Variants in RARB observed in about 807,000 individuals in gnomAD.
RARB encodes HBV-activated protein.
In RARB, 17 loss-of-function variants were observed where a neutral mutation model predicts 51.9. The ratio of observed to expected loss-of-function variants is 0.33; its 90% CI spans 0.22 to 0.49. The LOEUF (loss-of-function observed/expected upper bound fraction) is 0.49. RARB is among the 20% of genes least tolerant of loss of function. The pLI, the probability that RARB is intolerant of heterozygous loss-of-function variation, is 0.99. For synonymous variants in RARB, 215 were observed against 195.4 expected (o/e 1.10, Z -0.84); for missense variants, 369 against 550.8 (o/e 0.67, Z 3.30).
chr3:25,402,153 C>T (rs1053041260), intron 5 of RARB, among the ~76,000 whole-genome samples: 13 of 151,996 alleles, frequency 8.6e-5, no homozygotes, highest in East Asian at 7.7e-4. Flanking sequence ...AGAAAAAAGC[C>T]ACAAATTTTC....
chr3:25,399,143 A>G (rs1223548481), intron 5 of RARB, among the ~76,000 whole-genome samples: 7 of 152,156 alleles, frequency 4.6e-5, no homozygotes. Flanking sequence ...CAGGTTTCTT[A>G]TTCTAGCTCC....
chr3:25,408,132 A>G (rs1707462922), intron 5 of RARB, among the ~76,000 whole-genome samples: 1 of 152,130 alleles, frequency 6.6e-6, no homozygotes, highest in Non-Finnish European at 1.5e-5. Flanking sequence ...TAAAAATATA[A>G]CATATGTCAT....
At chr3:25,512,234 T>G (rs1429476367) in intron 3 of RARB, among the ~76,000 whole-genome samples, 1 of 152,220 alleles carries the variant, frequency 6.6e-6, no homozygotes, top group Non-Finnish European at 1.5e-5. Context: ...GTGTATTCAT[T>G]CATCAGCGGT....
chr3:25,484,499 C>T (rs1023718824), intron 2 of RARB, among the ~76,000 whole-genome samples: 1 of 151,926 alleles, frequency 6.6e-6, no homozygotes, highest in African/African-American at 2.4e-5. Context: ...CAAATTATGG[C>T]CCATAGGCTA....
intron 2 of RARB, among the ~76,000 whole-genome samples, chr3:24,893,215 C>T (rs913245970): frequency 3.3e-5 from 5 of 152,146 alleles, no homozygotes; most frequent in Non-Finnish European, 7.4e-5. Context: ...ATTGTGTTAC[C>T]AATTCAATGT....
At chr3:24,895,910 A>G (rs1703469157) in intron 2 of RARB, among the ~76,000 whole-genome samples, 1 of 152,054 alleles carries the variant, frequency 6.6e-6, no homozygotes, top group Non-Finnish European at 1.5e-5. Flanking sequence ...ATATTTGTAC[A>G]CTCTTGTTTA....
At chr3:25,160,055 C>T (rs1365211325) in intron 4 of RARB, among the ~76,000 whole-genome samples, 1 of 152,140 alleles carries the variant, frequency 6.6e-6, no homozygotes, top group African/African-American at 2.4e-5. Flanking sequence ...ATTTTTGTTT[C>T]AGCTTCTCTC....
chr3:25,141,009 A>C (rs534227777), intron 4 of RARB, among the ~76,000 whole-genome samples: 1 of 152,230 alleles, frequency 6.6e-6, no homozygotes. Context: ...CCTAAATCTC[A>C]TATGCCCTGG....
chr3:25,146,503 G>GTTTTTTTTTTTTTTTTT (rs1364462708), intron 4 of RARB, among the ~76,000 whole-genome samples: 5 of 73,520 alleles, frequency 6.8e-5, no homozygotes, highest in Non-Finnish European at 6.5e-5. Flanking sequence ...TTTTTTGTTT[G>GTTTTTTTTTTTTTTTTT]TTTGTTTGTT....
intron 4 of RARB, among the ~76,000 whole-genome samples, chr3:25,137,765 T>C (rs914348527): frequency 5.3e-5 from 8 of 152,096 alleles, no homozygotes; most frequent in African/African-American, 1.7e-4. Flanking sequence ...TGAGGTCCCA[T>C]TGGCATTCTA....
At chr3:25,121,965 C>T (rs530274403) in intron 3 of RARB, among the ~76,000 whole-genome samples, 2 of 152,220 alleles carry the variant, frequency 1.3e-5, no homozygotes, top group African/African-American at 4.8e-5. Flanking sequence ...AGAAAAGCAG[C>T]GCTGTATTAG....
chr3:25,155,521 T>C (rs13319953), intron 4 of RARB, among the ~76,000 whole-genome samples: 1 of 152,234 alleles, frequency 6.6e-6, no homozygotes, highest in Non-Finnish European at 1.5e-5. Flanking sequence ...TAGAATTAAA[T>C]GACTGCTCCA....
At chr3:25,225,377 A>T (rs746316051) in intron 5 of RARB, among the ~76,000 whole-genome samples, 1 of 152,128 alleles carries the variant, frequency 6.6e-6, no homozygotes, top group African/African-American at 2.4e-5. Context: ...TCTCTATGAA[A>T]AGGGTAATAT....
intron 5 of RARB, among the ~76,000 whole-genome samples, chr3:25,276,042 G>C (rs1462050411): frequency 1.3e-5 from 2 of 152,254 alleles, no homozygotes; most frequent in East Asian, 3.8e-4. Context: ...TAACCTCTCT[G>C]AGGCTCAGCT....
intron 3 of RARB, among the ~76,000 whole-genome samples, chr3:25,510,355 G>T (rs1020599320): frequency 3.3e-5 from 5 of 152,218 alleles, no homozygotes; most frequent in Admixed American, 1.3e-4. Flanking sequence ...CGGGCACAGT[G>T]GCCCACACCT....
rs796384364 is a variant in RARB, at chr3:25,264,122, T to TAAA, written c.178+89552_178+89554dup. 3.6e-3 allele frequency among the ~76,000 whole-genome samples: 550 copies of TAAA among 151,130 alleles called. 1 individual carries two copies. Among genetic ancestry groups the TAAA allele is most frequent in the African/African-American group, 0.011 (449 of 41,274 alleles). On this transcript the variant is annotated intron_variant, in intron 5 of 11. Transcript: ENST00000383772. Reference sequence around the variant, plus strand: ...TTGGGGCATTGTTGATTTTTTTTTTTAAAAAAAGGTTGATTCTGTTTTATC... The same window carrying TAAA: ...TTGGGGCATTGTTGATTTTTTTTTTTAAAAAAAAAAGGTTGATTCTGTTTTATC...
intron 4 of RARB, among the ~76,000 whole-genome samples, chr3:25,152,247 T>C (rs529104678): frequency 6.6e-6 from 1 of 152,340 alleles, no homozygotes; most frequent in Non-Finnish European, 1.5e-5. Context: ...GATTTTGAAT[T>C]GCTGTGCTTT....
chr3:25,087,670 G>A (rs1220231335), intron 3 of RARB, among the ~76,000 whole-genome samples: 3 of 152,112 alleles, frequency 2.0e-5, no homozygotes, highest in Non-Finnish European at 4.4e-5. Context: ...AATGGAGATT[G>A]TTGTTATTAG....
At chr3:25,547,158 G>A (rs1699650527) in intron 3 of RARB, among the ~76,000 whole-genome samples, 1 of 152,206 alleles carries the variant, frequency 6.6e-6, no homozygotes, top group Non-Finnish European at 1.5e-5. Flanking sequence ...TCTGTTTCCT[G>A]CAGGCAGACA....
Sources: allele counts gnomAD v4.1 joint callset (sites outside exome capture counted in the v4.1 genomes callset), GRCh38; gene constraint gnomAD v4.1.1; transcripts MANE v1.5; gene names NCBI Gene and HGNC (gene_info 2026-07-23, HGNC 2026-07-21).